Variants in PLD5 observed in about 807,000 individuals in gnomAD.
PLD5 encodes inactive phospholipase D5.
In PLD5, 36 loss-of-function variants were observed where a neutral mutation model predicts 61.1. The ratio of observed to expected loss-of-function variants is 0.59; its 90% CI spans 0.45 to 0.78. The LOEUF is 0.78. Ranked by LOEUF, PLD5 falls within the 30% of genes least tolerant of loss-of-function variation. PLD5 has a pLI of 0.00. For missense variants in PLD5, 515 were observed against 644.4 expected (o/e 0.80, Z 2.17); for synonymous variants, 243 against 242.8 (o/e 1.00, Z -0.01).
intron 1 of PLD5, among the ~76,000 whole-genome samples, chr1:242,489,911 A>G (rs1668087771): frequency 6.6e-6 from 1 of 152,226 alleles, no homozygotes; most frequent in Non-Finnish European, 1.5e-5. Flanking sequence ...CTTTCTTGAG[A>G]TAGGAGATTG....
rs35839494 is a variant in PLD5 at position 242,391,840 on chromosome 1, CA to C, written c.190-43599del. The stretch of plus-strand genomic sequence containing the variant: ...CCATGCACAGGAATACTAAAACATA[CA>C]AAAGGCAGAGATTTCTCAAAGAACT... On this transcript the variant is annotated intron_variant, in intron 1 of 9. Transcript: ENST00000536534. 8.7e-3 allele frequency among the ~76,000 whole-genome samples: 1,320 copies of C among 152,268 alleles called. 13 individuals are homozygous for C. The highest frequency in any genetic ancestry group is 0.027 in the East Asian group (141 of 5,180).
chr1:242,162,732 CCTGGCTCA>C (rs2148849740), intron 5 of PLD5, among the ~76,000 whole-genome samples: 1 of 152,134 alleles, frequency 6.6e-6, no homozygotes, highest in South Asian at 2.1e-4. Flanking sequence ...GAAGTTTTTC[CCTGGCTCA>C]GTTATAATTT....
intron 1 of PLD5, among the ~76,000 whole-genome samples, chr1:242,411,028 C>A (rs557052569): frequency 4.8e-4 from 73 of 151,964 alleles, no homozygotes; most frequent in Middle Eastern, 6.9e-3. Context: ...GGAAATTAGG[C>A]CAGCATTTTG....
At chr1:242,262,274 G>A (rs1673418889) in intron 4 of PLD5, among the ~76,000 whole-genome samples, 1 of 152,186 alleles carries the variant, frequency 6.6e-6, no homozygotes, top group Non-Finnish European at 1.5e-5. Context: ...TATGGTAGAG[G>A]TCGAAATAGT....
Position 242,267,724 on chromosome 1 carries a change from T to TAA in PLD5, c.496-2278_496-2277dup, listed in dbSNP as rs869105885. ...AGGAGACCCTGTCTCTACAAAAAGT[T>TAA]AAAAAAAAAAAAAAAAGCCAGGCAT... is the stretch of plus-strand genomic sequence containing the variant. On this transcript the variant is annotated intron_variant, in intron 3 of 9. Transcript: ENST00000536534. Among the ~76,000 whole-genome samples the TAA allele has an allele frequency of 7.7e-3, 949 of 123,190 alleles. 12 individuals are homozygous for TAA. The highest frequency in any genetic ancestry group is 0.025 in the African/African-American group (810 of 32,994). The allele number at this position is 123,190 out of a possible 152,430, so 80.8% of individuals were successfully genotyped here.
At chr1:242,139,320 G>T (rs1007475009) in intron 5 of PLD5, among the ~76,000 whole-genome samples, 1 of 151,838 alleles carries the variant, frequency 6.6e-6, no homozygotes, top group Non-Finnish European at 1.5e-5. Flanking sequence ...TCATTCTTGA[G>T]AAATGCTTAT....
chr1:242,328,349 A>G (rs145323008), intron 2 of PLD5, among the ~76,000 whole-genome samples: 5 of 152,196 alleles, frequency 3.3e-5, no homozygotes, highest in African/African-American at 9.6e-5. Context: ...TGTGTTCTAC[A>G]TGTGTGTTCT....
intron 4 of PLD5, among the ~76,000 whole-genome samples, chr1:242,242,200 G>A (rs1471907965): frequency 6.6e-6 from 1 of 151,934 alleles, no homozygotes; most frequent in Non-Finnish European, 1.5e-5. Flanking sequence ...GTTAGTTGAT[G>A]AATGAGTAAC....
chr1:242,523,177 C>T (rs1265255810), intron 1 of PLD5, among the ~76,000 whole-genome samples: 13 of 152,136 alleles, frequency 8.5e-5, no homozygotes, highest in Admixed American at 8.5e-4. Flanking sequence ...CATTAGCAGA[C>T]TCAATTTGGA....
In PLD5 at chr1:242,328,263, T is replaced by TATAC. The variant is rs1553350997; in HGVS notation, c.326+19842_326+19843insGTAT. Among the ~76,000 whole-genome samples, 1,480 of 152,072 alleles carry TATAC rather than the reference T, an allele frequency of 9.7e-3. 16 individuals carry two copies. Among genetic ancestry groups the TATAC allele is most frequent in the African/African-American group, 0.033 (1,366 of 41,460 alleles). On this transcript the variant is annotated intron_variant, in intron 2 of 9. Coordinates refer to ENST00000536534, the MANE Select transcript of PLD5 (RefSeq NM_001372062.1). ...TTATCAAGATGAACATATATATATA[T>TATAC]ACACACACATATATATTATATATAT...
intron 1 of PLD5, among the ~76,000 whole-genome samples, chr1:242,424,697 C>T (rs1036042902): frequency 3.3e-5 from 5 of 152,142 alleles, no homozygotes; most frequent in Non-Finnish European, 7.3e-5. Flanking sequence ...ACTAATTGCT[C>T]ACTGCTTTTC....
chr1:242,123,453 G>T (rs4336833), intron 6 of PLD5, among the ~76,000 whole-genome samples: 37,323 of 152,090 alleles, frequency 0.25, 4,695 homozygotes, highest in Non-Finnish European at 0.25. Context: ...GTGGACAGGA[G>T]GACATCCCAT....
At chr1:242,494,878 C>CTTTTTTTTTTTTTTTTTTTTT (rs556893161) in intron 1 of PLD5, among the ~76,000 whole-genome samples, 30 of 135,886 alleles carry the variant, frequency 2.2e-4, no homozygotes, top group East Asian at 6.7e-4. Flanking sequence ...TTTTTCTTTT[C>CTTTTTTTTTTTTTTTTTTTTT]TGTTTTTTTT....
At position 242,419,572 on chromosome 1, in the gene PLD5, A is replaced by ATTTTTTT. The variant is rs767869905; in HGVS notation, c.190-71337_190-71331dup. On this transcript the variant is annotated intron_variant, in intron 1 of 9. Coordinates refer to ENST00000536534, the MANE Select transcript of PLD5 (RefSeq NM_001372062.1). ...CACTACACCCGGCTAAATTTTTTGC[A>ATTTTTTT]TTTTTTTTTTTTTTTTTTTTTTAGT... Among the ~76,000 whole-genome samples, 163 of 97,056 alleles carry ATTTTTTT rather than the reference A, an allele frequency of 1.7e-3. 6 individuals are homozygous for ATTTTTTT. Among genetic ancestry groups the ATTTTTTT allele is most frequent in the Admixed American group, 6.1e-3 (43 of 7,030 alleles). The allele number at this position is 97,056 out of a possible 152,430, so 63.7% of individuals were successfully genotyped here.
intron 1 of PLD5, among the ~76,000 whole-genome samples, chr1:242,415,746 C>T (rs1025090726): frequency 1.3e-5 from 2 of 151,974 alleles, no homozygotes; most frequent in East Asian, 1.9e-4. Context: ...ATCTCCTGAC[C>T]TCGTGATCTG....
intron 1 of PLD5, among the ~76,000 whole-genome samples, chr1:242,502,457 C>T (rs1668583886): frequency 6.6e-6 from 1 of 152,112 alleles, no homozygotes; most frequent in South Asian, 2.1e-4. Flanking sequence ...TATATAATCA[C>T]CTATCTATTC....
At chr1:242,230,394 C>A (rs1257681990) in intron 4 of PLD5, among the ~76,000 whole-genome samples, 2 of 152,180 alleles carry the variant, frequency 1.3e-5, no homozygotes, top group Non-Finnish European at 2.9e-5. Flanking sequence ...TTATAGATTT[C>A]TGGAAAGGTT....
At chr1:242,255,706 A>G (rs1348571844) in intron 4 of PLD5, among the ~76,000 whole-genome samples, 1 of 152,204 alleles carries the variant, frequency 6.6e-6, no homozygotes. Flanking sequence ...TGGATTATCA[A>G]TGATGAATGA....
intron 4 of PLD5, among the ~76,000 whole-genome samples, chr1:242,239,707 C>T (rs1417103607): frequency 2.0e-5 from 3 of 152,292 alleles, no homozygotes; most frequent in South Asian, 4.1e-4. Flanking sequence ...GCACATCCAC[C>T]GCTTAACCAA....
Sources: allele counts gnomAD v4.1 joint callset (sites outside exome capture counted in the v4.1 genomes callset), GRCh38; gene constraint gnomAD v4.1.1; transcripts MANE v1.5; gene names NCBI Gene and HGNC (gene_info 2026-07-23, HGNC 2026-07-21).